Variants in UBAC2 observed in about 807,000 individuals in gnomAD.
UBAC2 encodes the protein UBA domain containing 2, also known as ubiquitin-associated domain-containing protein 2.
In UBAC2, 26 loss-of-function variants were observed where a neutral mutation model predicts 44.0. The ratio of observed to expected loss-of-function variants is 0.59; its 90% CI spans 0.43 to 0.82. The LOEUF is 0.82. UBAC2 is among the 40% of genes least tolerant of loss of function. The pLI is 0.00. For synonymous variants in UBAC2, 155 were observed against 154.3 expected (o/e 1.00, Z -0.04); for missense variants, 329 against 419.4 (o/e 0.78, Z 1.88).
At chr13:99,239,581 C>T (rs1204077788) in intron 2 of UBAC2, among the ~76,000 whole-genome samples, 2 of 152,188 alleles carry the variant, frequency 1.3e-5, no homozygotes, top group African/African-American at 4.8e-5. Flanking sequence ...GTAAGGGCCC[C>T]CGGGCCTTGG....
chr13:99,313,714 A>T (rs1014258929), intron 4 of UBAC2, among the ~76,000 whole-genome samples: 13 of 152,158 alleles, frequency 8.5e-5, no homozygotes, highest in African/African-American at 2.9e-4. Flanking sequence ...ATCACTGGAC[A>T]GGGCTTGAGA....
At chr13:99,325,712 C>T (rs2044632926) in intron 6 of UBAC2, among the ~76,000 whole-genome samples, 1 of 152,184 alleles carries the variant, frequency 6.6e-6, no homozygotes, top group African/African-American at 2.4e-5. Flanking sequence ...CCCCCAGCCC[C>T]TAGCAACCAC....
At chr13:99,324,074 A>G (rs1429433361) in intron 6 of UBAC2, among the ~76,000 whole-genome samples, 2 of 152,108 alleles carry the variant, frequency 1.3e-5, no homozygotes, top group Non-Finnish European at 2.9e-5. Context: ...ACTACACACA[A>G]TCCATTCCCA....
At chr13:99,247,205 T>G (rs9517660) in intron 4 of UBAC2, among the ~76,000 whole-genome samples, 84,209 of 142,418 alleles carry the variant, frequency 0.59, 25,788 homozygotes, top group Non-Finnish European at 0.72. Context: ...GTTTTTTTTT[T>G]TTTGTTTTGT....
chr13:99,297,154 C>G (rs2044188163), intron 4 of UBAC2, among the ~76,000 whole-genome samples: 1 of 152,050 alleles, frequency 6.6e-6, no homozygotes, highest in African/African-American at 2.4e-5. Context: ...AATGTTAAAG[C>G]AGAAATTTTA....
chr13:99,242,745 T>A (rs1378020098), intron 2 of UBAC2, among the ~76,000 whole-genome samples: 2 of 101,898 alleles, frequency 2.0e-5, no homozygotes, highest in Non-Finnish European at 4.0e-5. Context: ...CCCCCACCTC[T>A]CTCCCGGACG....
chr13:99,286,241 T>G (rs1267183575), intron 4 of UBAC2, among the ~76,000 whole-genome samples: 1 of 152,224 alleles, frequency 6.6e-6, no homozygotes, highest in Non-Finnish European at 1.5e-5. Flanking sequence ...GAATGTAACA[T>G]TTATATTTGA....
intron 8 of UBAC2, among the ~76,000 whole-genome samples, chr13:99,371,674 A>G (rs2045408598): frequency 6.6e-6 from 1 of 152,214 alleles, no homozygotes; most frequent in Non-Finnish European, 1.5e-5. Context: ...CTTCATTTAA[A>G]TATCAGAGCC....
Position 99,234,313 on chromosome 13 carries a change from TC to T in UBAC2, c.32-4111del, listed in dbSNP as rs1266582221. The stretch of plus-strand genomic sequence containing the variant: ...TTCAAGTGATTCTCCCGCCTCAGCT[TC>T]CCAAGTGGGATTATAGGCGCTTGCC... On this transcript the variant is annotated intron_variant, in intron 1 of 8. Coordinates refer to ENST00000403766, the MANE Select transcript of UBAC2 (RefSeq NM_001144072.2). The T allele has an allele frequency of 9.4e-6, 3 of 320,782 alleles. No individual in the cohort carries two copies. The Admixed American group carries it at 1.0e-4, about 11-fold the overall frequency. The allele number at this position is 320,782 out of a possible 1,614,324, so 19.9% of individuals were successfully genotyped here. A position where few individuals can be genotyped will look rare whatever the true frequency, so the allele number is the denominator to read the frequency against.
chr13:99,255,406 A>G (rs2043531073), intron 4 of UBAC2: 2 of 1,614,160 alleles, frequency 1.2e-6, no homozygotes, highest in East Asian at 4.5e-5. Flanking sequence ...GAGCAGTAGC[A>G]GAGGGGTGGT....
rs866914915 is a variant in UBAC2, at chr13:99,242,728, G to A, written c.160-1104G>A. Among the ~76,000 whole-genome samples the A allele has an allele frequency of 2.0e-3, 283 of 140,330 alleles. 3 individuals are homozygous for A. The highest frequency in any genetic ancestry group is 8.7e-3 in the South Asian group (34 of 3,906). 92.1% of individuals were successfully genotyped at this position (140,330 alleles called of 152,430 possible). On this transcript the variant is annotated intron_variant, in intron 2 of 8. Transcript: ENST00000403766. ...CCCGACGGGGCGGCTGGCCTGGCCGGGGCTGACCCCCACCTCTCTCCCGGA... is the reference window on the plus strand; with the variant it reads ...CCCGACGGGGCGGCTGGCCTGGCCGAGGCTGACCCCCACCTCTCTCCCGGA...
At chr13:99,223,888 C>T (rs2043080995) in intron 1 of UBAC2, among the ~76,000 whole-genome samples, 1 of 151,988 alleles carries the variant, frequency 6.6e-6, no homozygotes, top group Non-Finnish European at 1.5e-5. Flanking sequence ...TTTGAGGACT[C>T]TTTTATGCCC....
intron 4 of UBAC2, among the ~76,000 whole-genome samples, chr13:99,301,333 C>A (rs1298648336): frequency 3.9e-5 from 6 of 152,218 alleles, no homozygotes; most frequent in African/African-American, 1.4e-4. Flanking sequence ...CCCTGGAAGC[C>A]ATCTATGCCA....
chr13:99,244,523 G>T lies in UBAC2; in HGVS notation c.288G>T (p.Leu96Phe). The T allele has an allele frequency of 1.2e-6, 2 of 1,611,022 alleles. No individual in the cohort carries two copies. The highest frequency in any genetic ancestry group is 1.7e-6 in the Non-Finnish European group (2 of 1,178,326). Residue 96 changes from leucine (L) to phenylalanine (F), a missense_variant, in exon 4 of 9, where the codon TTG (leucine) becomes TTT (phenylalanine). Physicochemically the swap from Leu to Phe is conservative, Grantham distance 22 (BLOSUM62 0). Coordinates refer to ENST00000403766, the MANE Select transcript of UBAC2 (RefSeq NM_001144072.2). ...RYGSRKFASF[L>F]LGSWVLSALF... ...GCTGTTTTATTTTGTAGTCCTTTTT[G>T]CTGGGTTCCTGGGTTTTGTCAGCCT...
chr13:99,227,186 G>T (rs186869738), intron 1 of UBAC2, among the ~76,000 whole-genome samples: 2 of 147,928 alleles, frequency 1.4e-5, no homozygotes, highest in Non-Finnish European at 3.0e-5. Flanking sequence ...CAACAAGAGC[G>T]AAACTCCATC....
At chr13:99,346,155 A>G (rs2044976924) in intron 7 of UBAC2, among the ~76,000 whole-genome samples, 1 of 152,170 alleles carries the variant, frequency 6.6e-6, no homozygotes, top group South Asian at 2.1e-4. Context: ...GACATTTCCC[A>G]CTTATACATC....
chr13:99,239,190 T>A (rs754958343), intron 2 of UBAC2, among the ~76,000 whole-genome samples: 5 of 152,264 alleles, frequency 3.3e-5, no homozygotes, highest in Non-Finnish European at 7.3e-5. Context: ...TCTTGAACAC[T>A]GACACCTTTT....
chr13:99,260,517 G>A (rs568463294), intron 4 of UBAC2, among the ~76,000 whole-genome samples: 125 of 152,282 alleles, frequency 8.2e-4, no homozygotes, highest in African/African-American at 2.8e-3. Context: ...GAGGTCTGTC[G>A]TCCTCCCCTG....
intron 6 of UBAC2, among the ~76,000 whole-genome samples, chr13:99,321,558 G>T (rs1016524139): frequency 2.0e-5 from 3 of 152,134 alleles, no homozygotes; most frequent in Non-Finnish European, 4.4e-5. Flanking sequence ...GGATCCATCT[G>T]CCTCAAAGTG....
Sources: gnomAD v4.1 joint callset for allele counts (sites outside exome capture counted in the v4.1 genomes callset) on GRCh38, gnomAD v4.1.1 for gene constraint, MANE v1.5 for transcripts, NCBI Gene and HGNC (gene_info 2026-07-23, HGNC 2026-07-21) for gene names.